The following VPS13D variants were observed in gnomAD, a reference collection of about 807,000 sequenced individuals.
VPS13D encodes the protein vacuolar protein sorting 13 homolog D.
Under a neutral mutation model 461.9 loss-of-function variants are expected in VPS13D, and 187 were observed. The observed-to-expected ratio is 0.40, with a 90% CI of 0.36 to 0.46. VPS13D has a LOEUF of 0.46. VPS13D is among the 20% of genes least tolerant of loss of function. The pLI is 0.60. For synonymous variants in VPS13D, 1,951 were observed against 1,986.3 expected, an observed-to-expected ratio of 0.98 and a Z score of 0.47; for missense variants, 4,711 against 5,364.9, an observed-to-expected ratio of 0.88 and a Z score of 3.81.
chr1:12,249,919 G>T (rs763171168), intron 6 of VPS13D, among the ~76,000 whole-genome samples: 2 of 152,066 alleles, frequency 1.3e-5, no homozygotes, highest in African/African-American at 4.8e-5. Context: ...TGCAGACCCC[G>T]CTGGGTAAGG....
intron 34 of VPS13D, among the ~76,000 whole-genome samples, chr1:12,323,134 A>G (rs1390582412): frequency 6.6e-6 from 1 of 152,136 alleles, no homozygotes; most frequent in East Asian, 1.9e-4. Flanking sequence ...CAGTGGTGTG[A>G]TCATAGCTTA....
rs757788387 is a variant in VPS13D, at chr1:12,509,031, G to A, written c.*7G>A. 3.1e-6 allele frequency: 5 copies of A among 1,613,378 alleles called. No homozygotes were observed. Among genetic ancestry groups the A allele is most frequent in the Admixed American group, 1.7e-5 (1 of 59,952 alleles). ...GCTGGAGCTGGACTCCTGAAGCCCC[G>A]CTGCTGAGATGGGCGCTCCCGACAC... is the stretch of plus-strand genomic sequence containing the variant. On this transcript the variant is annotated 3_prime_UTR_variant, in exon 70 of 70. Transcript: ENST00000620676.
intron 67 of VPS13D, among the ~76,000 whole-genome samples, chr1:12,493,217 G>A (rs1374648164): frequency 3.3e-5 from 5 of 151,060 alleles, no homozygotes; most frequent in South Asian, 2.1e-4. Flanking sequence ...GGCCGGGTGC[G>A]GTGGCTCACG....
At chr1:12,288,133 T>A in intron 21 of VPS13D, 90 bp from the exon 22 acceptor site, 2 of 1,126,182 alleles carry the variant, frequency 1.8e-6, no homozygotes, top group South Asian at 2.7e-5. Flanking sequence ...CCAAGCCTTT[T>A]TGCATTTTCC....
At chr1:12,443,329 C>A (rs1645152547) in intron 65 of VPS13D, among the ~76,000 whole-genome samples, 1 of 152,218 alleles carries the variant, frequency 6.6e-6, no homozygotes, top group Non-Finnish European at 1.5e-5. Flanking sequence ...ATTGTCACTG[C>A]TGTATAGTAT....
intron 2 of VPS13D, 96 bp from the exon 3 acceptor site, chr1:12,242,417 G>A: frequency 8.9e-7 from 1 of 1,117,760 alleles, no homozygotes; most frequent in Non-Finnish European, 1.3e-6. Flanking sequence ...TATTCTATAT[G>A]TAAAACTTTC....
Position 12,336,054 on chromosome 1 carries a change from C to T in VPS13D, c.8551+227C>T, listed in dbSNP as rs1010878508. 7 of 499,970 alleles carry T rather than the reference C, an allele frequency of 1.4e-5. No individual in the cohort carries two copies. The South Asian group carries it at 1.8e-4, about 13-fold the overall frequency. 31.0% of individuals were successfully genotyped at this position (499,970 alleles called of 1,614,324 possible). On this transcript the variant is annotated intron_variant, in intron 39 of 69. Coordinates refer to ENST00000620676, the MANE Select transcript of VPS13D (RefSeq NM_015378.4). ...TCCACCTTTGCGGGGGAGAAAAGAT[C>T]TGCAACACGTAATTCCTAAATCCTG...
At chr1:12,411,845 C>A (rs1644734338) in intron 63 of VPS13D, among the ~76,000 whole-genome samples, 1 of 152,208 alleles carries the variant, frequency 6.6e-6, no homozygotes, top group Admixed American at 6.5e-5. Flanking sequence ...TCCACATGGT[C>A]TCCCATCTTC....
chr1:12,267,144 T>C (rs1641296549), intron 14 of VPS13D, 133 bp downstream of exon 14: 6 of 1,020,888 alleles, frequency 5.9e-6, no homozygotes, highest in Middle Eastern at 4.9e-4. Flanking sequence ...GAAAAGTTTC[T>C]TGAAATTGTT....
At position 12,311,436 on chromosome 1, in the gene VPS13D, CT is replaced by C; in HGVS notation, c.6651-12del. The C allele has an allele frequency of 1.3e-6, 2 of 1,593,524 alleles. No homozygotes were observed. The highest frequency in any genetic ancestry group is 1.7e-6 in the Non-Finnish European group (2 of 1,171,454). ...TTAGTGACTTGTCTGTGTAAGTGAT[CT>C]TTTTTCTTTTTCATAGAGAAATAAG... On this transcript the variant is annotated splice_polypyrimidine_tract_variant and intron_variant, in intron 27 of 69. Coordinates refer to ENST00000620676, the MANE Select transcript of VPS13D (RefSeq NM_015378.4).
chr1:12,314,050 A>G (rs1569881180), intron 29 of VPS13D, 65 bp from the exon 30 acceptor site: 3 of 1,455,328 alleles, frequency 2.1e-6, no homozygotes, highest in South Asian at 2.4e-5. Context: ...TCTCGAACTT[A>G]TATACTTTTG....
At position 12,386,316 on chromosome 1, in the gene VPS13D, C is replaced by G; in HGVS notation, c.11616C>G (p.Leu3872=). 6.2e-7 allele frequency: 1 copy of G among 1,610,144 alleles called. No homozygotes were observed. Among genetic ancestry groups the G allele is most frequent in the Non-Finnish European group, 8.5e-7 (1 of 1,178,450 alleles). Residue 3872 remains leucine, a synonymous_variant, in exon 60 of 70, where the codon CTC becomes CTG. Transcript: ENST00000620676. ...TQLATSHMLE[L]SIQDVQVDNQ... The stretch of plus-strand genomic sequence containing the variant: ...TGGCAACCAGTCACATGCTTGAACT[C>G]AGCATACAGGATGTACAGGTAAGGG...
chr1:12,235,702 T>C (rs1362196425), intron 2 of VPS13D, among the ~76,000 whole-genome samples: 1 of 152,238 alleles, frequency 6.6e-6, no homozygotes, highest in Non-Finnish European at 1.5e-5. Context: ...TCCTTTCCTA[T>C]TCTCCTGGTT....
chr1:12,344,615 G>A (rs527865765), intron 42 of VPS13D, among the ~76,000 whole-genome samples: 8 of 152,174 alleles, frequency 5.3e-5, no homozygotes, highest in South Asian at 4.2e-4. Context: ...TTTTGTTTCC[G>A]TATTTCATAA....
chr1:12,234,318 G>A lies in VPS13D; in HGVS notation c.52G>A (p.Val18Ile), dbSNP rs75079360. 5 of 1,614,106 alleles carry A rather than the reference G, an allele frequency of 3.1e-6. No homozygotes were observed. In the East Asian group the frequency reaches 8.9e-5, roughly 29 times the overall value. Residue 18 changes from valine to isoleucine, a missense_variant, in exon 2 of 70, where the codon GTC (valine) becomes ATC (isoleucine). Val to Ile is a conservative substitution (Grantham distance 29, BLOSUM62 3). Coordinates refer to ENST00000620676, the MANE Select transcript of VPS13D (RefSeq NM_015378.4). Reference protein sequence around the residue: ...WVLNTYLGKYVNNLNTDQLSV... With the variant: ...WVLNTYLGKYINNLNTDQLSV... ...TCTCAATACCTATTTGGGAAAATAT[G>A]TCAATAACCTGAACACTGACCAGCT...
chr1:12,477,112 C>T (rs1450472869), intron 67 of VPS13D, among the ~76,000 whole-genome samples: 1 of 152,174 alleles, frequency 6.6e-6, no homozygotes, highest in African/African-American at 2.4e-5. Flanking sequence ...TTATTTTTAA[C>T]AAGCTTGGGC....
chr1:12,252,180 G>A (rs967519297), intron 6 of VPS13D, among the ~76,000 whole-genome samples: 30 of 152,108 alleles, frequency 2.0e-4, no homozygotes, highest in Non-Finnish European at 7.4e-5. Flanking sequence ...CCTAATTTTC[G>A]AATAAGGTTA....
rs1640951109 is a variant in VPS13D at position 12,257,217 on chromosome 1, C to T, written c.941+130C>T. 8 of 720,402 alleles carry T rather than the reference C, an allele frequency of 1.1e-5. No individual in the cohort carries two copies. The South Asian group carries it at 1.2e-4, about 11-fold the overall frequency. The allele number at this position is 720,402 out of a possible 1,614,324, so 44.6% of individuals were successfully genotyped here. A position where few individuals can be genotyped will look rare whatever the true frequency, so the allele number is the denominator to read the frequency against. ...AAAAGTACAGTTGATTTTTCTGGTCCTTGGAATGCCATTCCCATTGTTTAT... is the reference window on the plus strand; with the variant it reads ...AAAAGTACAGTTGATTTTTCTGGTCTTTGGAATGCCATTCCCATTGTTTAT... On this transcript the variant is annotated intron_variant, in intron 9 of 69. Transcript: ENST00000620676.
intron 67 of VPS13D, among the ~76,000 whole-genome samples, chr1:12,482,388 C>G (rs749391071): frequency 7.2e-5 from 11 of 152,250 alleles, no homozygotes; most frequent in Non-Finnish European, 1.6e-4. Context: ...GAAATTTGCA[C>G]TCTTCATGCT....
Sources: gnomAD v4.1 joint callset for allele counts (sites outside exome capture counted in the v4.1 genomes callset) on GRCh38, gnomAD v4.1.1 for gene constraint, MANE v1.5 for transcripts, NCBI Gene and HGNC (gene_info 2026-07-23, HGNC 2026-07-21) for gene names.